Variants in ABCC1 observed in about 807,000 individuals in gnomAD.
ABCC1 encodes multidrug resistance-associated protein 1.
Under a neutral mutation model 172.9 loss-of-function variants are expected in ABCC1, and 83 were observed. The observed-to-expected ratio is 0.48, with a 90% CI of 0.40 to 0.58. ABCC1 has a LOEUF of 0.58. ABCC1 is among the 20% of genes least tolerant of loss of function. The probability of loss-of-function intolerance (pLI) is 0.00; values close to 1 mark genes in which losing one functional copy is unlikely to be tolerated. For synonymous variants in ABCC1, 937 were observed against 825.2 expected, an observed-to-expected ratio of 1.14 and a Z score of -2.32; for missense variants, 1,817 against 2,002.7, an observed-to-expected ratio of 0.91 and a Z score of 1.77.
intron 1 of ABCC1, among the ~76,000 whole-genome samples, chr16:15,982,429 AGAAGTGCTGAGCAAAAGTGCTTCTTTT>A (rs1488393641): frequency 6.6e-6 from 1 of 152,028 alleles, no homozygotes. Context: ...GGCAGGAAGG[AGAAGTGCTGAGCAAAAGTGCTTCTTTT>A]GCTGAGAAGT....
At chr16:16,102,463 A>C (rs564071743) in intron 19 of ABCC1, among the ~76,000 whole-genome samples, 164 bp from the exon 20 acceptor site, 2 of 152,316 alleles carry the variant, frequency 1.3e-5, no homozygotes, top group East Asian at 3.9e-4. Flanking sequence ...CCACAACCAG[A>C]CAGCCTGTTC....
intron 1 of ABCC1, among the ~76,000 whole-genome samples, chr16:15,958,919 C>T (rs1276266912): frequency 2.6e-5 from 4 of 152,148 alleles, no homozygotes; most frequent in African/African-American, 9.7e-5. Flanking sequence ...AGTCTTAGCC[C>T]CAAACCTGGC....
rs1023887430 is a variant in ABCC1 at position 15,983,457 on chromosome 16, T to G, written c.49-24359T>G. On this transcript the variant is annotated intron_variant, in intron 1 of 30. Coordinates refer to ENST00000399410, the MANE Select transcript of ABCC1 (RefSeq NM_004996.4). The stretch of plus-strand genomic sequence containing the variant: ...TTGGGAGGGGAGTCAGGAAACCTAT[T>G]TGGAGGCTGGGGTTTTCACCCAGGT... Among the ~76,000 whole-genome samples, 13 of 151,858 alleles carry G rather than the reference T, an allele frequency of 8.6e-5. 1 individual carries two copies. Among genetic ancestry groups the G allele is most frequent in the African/African-American group, 3.1e-4 (13 of 41,284 alleles).
chr16:16,124,957 AT>A (rs2045367954), intron 25 of ABCC1, 42 bp downstream of exon 25: 6 of 1,612,732 alleles, frequency 3.7e-6, no homozygotes, highest in Non-Finnish European at 4.2e-6. Context: ...AAGTCTGTTA[AT>A]GGGGGAGCCA....
chr16:16,007,243 T>TGTGA (rs1305978468), intron 1 of ABCC1, among the ~76,000 whole-genome samples: 89 of 151,308 alleles, frequency 5.9e-4, no homozygotes, highest in Non-Finnish European at 8.6e-4. Flanking sequence ...TGTGTGTGTG[T>TGTGA]GAGAGACAGG....
At chr16:15,992,357 A>G (rs2046896508) in intron 1 of ABCC1, among the ~76,000 whole-genome samples, 1 of 152,116 alleles carries the variant, frequency 6.6e-6, no homozygotes, top group South Asian at 2.1e-4. Context: ...TCTGTGAAAA[A>G]TCGTCTTCCA....
intron 17 of ABCC1, among the ~76,000 whole-genome samples, chr16:16,086,398 A>C (rs573242359): frequency 6.6e-6 from 1 of 152,192 alleles, no homozygotes; most frequent in Non-Finnish European, 1.5e-5. Flanking sequence ...AGGTGGGTGC[A>C]GCTCTGCAGG....
intron 21 of ABCC1, among the ~76,000 whole-genome samples, chr16:16,108,753 G>A (rs372722525): frequency 8.2e-4 from 124 of 151,790 alleles, no homozygotes; most frequent in African/African-American, 2.8e-3. Flanking sequence ...GCACCCCCAC[G>A]CTTGACTAAT....
chr16:15,986,270 T>A (rs2046742085), intron 1 of ABCC1, among the ~76,000 whole-genome samples: 2 of 151,854 alleles, frequency 1.3e-5, no homozygotes, highest in Admixed American at 6.6e-5. Context: ...ATTCCCACCG[T>A]CCTCTTGTCC....
chr16:16,002,350 A>G (rs2047344632), intron 1 of ABCC1, among the ~76,000 whole-genome samples: 1 of 152,204 alleles, frequency 6.6e-6, no homozygotes, highest in Non-Finnish European at 1.5e-5. Context: ...TAAGCAACCC[A>G]TGATCATTGC....
At chr16:16,025,200 A>G (rs536871261) in intron 5 of ABCC1, among the ~76,000 whole-genome samples, 2 of 152,144 alleles carry the variant, frequency 1.3e-5, no homozygotes, top group African/African-American at 2.4e-5. Context: ...GGCTCCGTCT[A>G]ATAATAAGGA....
At chr16:16,136,762 T>C in intron 29 of ABCC1, 118 bp downstream of exon 29, 1 of 1,219,478 alleles carries the variant, frequency 8.2e-7, no homozygotes, top group Non-Finnish European at 1.1e-6. Flanking sequence ...AGATGACCAT[T>C]TGTCCCTTCA....
chr16:16,101,382 C>T (rs1054449795), intron 19 of ABCC1, among the ~76,000 whole-genome samples: 1 of 152,194 alleles, frequency 6.6e-6, no homozygotes, highest in African/African-American at 2.4e-5. Flanking sequence ...ACAACCAAGA[C>T]TGAGAATTCC....
chr16:15,993,732 A>G (rs1228137672), intron 1 of ABCC1, among the ~76,000 whole-genome samples: 2 of 104,320 alleles, frequency 1.9e-5, no homozygotes, highest in African/African-American at 7.6e-5. Flanking sequence ...GTTAACCACT[A>G]CCCTGCACTG....
chr16:16,067,732 CT>C (rs531977637), intron 12 of ABCC1, among the ~76,000 whole-genome samples: 5 of 152,122 alleles, frequency 3.3e-5, no homozygotes, highest in Non-Finnish European at 7.4e-5. Flanking sequence ...GATGGCAGGG[CT>C]ATTTGGGTAA....
chr16:16,073,296 C>T (rs781110688), intron 14 of ABCC1, among the ~76,000 whole-genome samples: 20 of 152,166 alleles, frequency 1.3e-4, no homozygotes, highest in South Asian at 2.1e-4. Flanking sequence ...CACAGCCCAT[C>T]GGTAGAGTCC....
chr16:15,998,013 G>T (rs1226756521), intron 1 of ABCC1, among the ~76,000 whole-genome samples: 1 of 151,540 alleles, frequency 6.6e-6, no homozygotes, highest in African/African-American at 2.4e-5. Flanking sequence ...GTAGAGATGG[G>T]GTTTCACTAT....
At chr16:16,009,717 G>A in intron 2 of ABCC1, 59 bp from the exon 3 acceptor site, 1 of 1,497,132 alleles carries the variant, frequency 6.7e-7, no homozygotes. Context: ...TGTTCGTGCA[G>A]GCCCTGGGGG....
At chr16:15,976,667 C>A (rs562239965) in intron 1 of ABCC1, among the ~76,000 whole-genome samples, 1 of 152,104 alleles carries the variant, frequency 6.6e-6, no homozygotes, top group African/African-American at 2.4e-5. Context: ...CATTTTGGCA[C>A]GTGGCTTTAT....
Sources: gnomAD v4.1 joint callset for allele counts (sites outside exome capture counted in the v4.1 genomes callset) on GRCh38, gnomAD v4.1.1 for gene constraint, MANE v1.5 for transcripts, NCBI Gene and HGNC (gene_info 2026-07-23, HGNC 2026-07-21) for gene names.